PPP2R1B: variants seen among roughly 807,000 people sequenced by gnomAD.
PPP2R1B encodes the protein protein phosphatase 2 scaffold subunit Abeta, also known as serine/threonine-protein phosphatase 2A 65 kDa regulatory subunit A beta isoform.
PPP2R1B carries 58 observed loss-of-function variants against 72.7 expected under a neutral mutation model. The ratio of observed to expected loss-of-function variants is 0.80; its 90% CI spans 0.65 to 0.99. The LOEUF (loss-of-function observed/expected upper bound fraction) is 0.99, where lower values mean the gene tolerates loss of function less well. Among genes scored for constraint, PPP2R1B ranks in the 50% least tolerant of loss-of-function variants. The probability of loss-of-function intolerance (pLI) is 0.00; values close to 1 mark genes in which losing one functional copy is unlikely to be tolerated. For missense variants in PPP2R1B, 695 were observed against 733.6 expected (o/e 0.95, Z 0.61); for synonymous variants, 256 against 264.6 (o/e 0.97, Z 0.32).
intron 5 of PPP2R1B, among the ~76,000 whole-genome samples, chr11:111,758,514 C>T (rs890396085): frequency 5.3e-5 from 8 of 151,966 alleles, no homozygotes; most frequent in African/African-American, 1.5e-4. Context: ...TGCTTGAACC[C>T]GGGAGGCAGA....
the PPP2R1B span, chr11:111,721,173 G>C: frequency 3.4e-5 from 45 of 1,330,462 alleles, no homozygotes; most frequent in Middle Eastern, 2.7e-4. Context: ...GAGCAAACAG[G>C]CTGTTTGGGA....
the PPP2R1B span, among the ~76,000 whole-genome samples, chr11:111,706,323 A>C: frequency 2.6e-4 from 39 of 152,304 alleles, no homozygotes; most frequent in African/African-American, 9.4e-4. Flanking sequence ...GAGCCTGAGA[A>C]GATAGGGGTG....
intron 15 of PPP2R1B, among the ~76,000 whole-genome samples, chr11:111,731,812 T>C (rs566902300): frequency 3.9e-5 from 6 of 152,344 alleles, no homozygotes; most frequent in African/African-American, 1.4e-4. Flanking sequence ...AAAATTTCAG[T>C]ATTGCTGAGT....
At chr11:111,721,155 C>T in the PPP2R1B span, 7 of 1,437,632 alleles carry the variant, frequency 4.9e-6, no homozygotes, top group South Asian at 1.4e-5. Flanking sequence ...GGATTTCCTC[C>T]AGTCCTGGAG....
chr11:111,719,517 T>G, the PPP2R1B span, among the ~76,000 whole-genome samples: 1 of 152,100 alleles, frequency 6.6e-6, no homozygotes, highest in Non-Finnish European at 1.5e-5. Context: ...AAGTTGTTTA[T>G]TGTAATAATG....
chr11:111,763,300 T>G (rs1211280195), intron 3 of PPP2R1B, among the ~76,000 whole-genome samples: 7 of 152,290 alleles, frequency 4.6e-5, no homozygotes, highest in African/African-American at 1.7e-4. Context: ...CAAGGCCTTT[T>G]GCAGTCTGTT....
chr11:111,723,667 CCT>C (rs762115806), downstream of PPP2R1B: 3 of 1,614,172 alleles, frequency 1.9e-6, no homozygotes, highest in Non-Finnish European at 2.5e-6. Context: ...TGACCCAGCC[CCT>C]GAGCCCCGTC....
At chr11:111,741,948 T>C (rs976242970) in intron 14 of PPP2R1B, 105 bp downstream of exon 14, 1 of 1,021,398 alleles carries the variant, frequency 9.8e-7, no homozygotes, top group African/African-American at 1.6e-5. Context: ...CCTCCCTGTT[T>C]CCCATAATAC....
chr11:111,751,604 T>C (rs1944909524), intron 10 of PPP2R1B, among the ~76,000 whole-genome samples: 1 of 152,188 alleles, frequency 6.6e-6, no homozygotes, highest in Non-Finnish European at 1.5e-5. Flanking sequence ...TATTCCAAAA[T>C]CCACTTCTGG....
chr11:111,718,231 T>C, the PPP2R1B span, among the ~76,000 whole-genome samples: 1 of 152,254 alleles, frequency 6.6e-6, no homozygotes, highest in Non-Finnish European at 1.5e-5. Context: ...CATTCTTGGC[T>C]AGTTTTAGAA....
intron 11 of PPP2R1B, among the ~76,000 whole-genome samples, chr11:111,745,964 G>T (rs1944690272): frequency 6.6e-6 from 1 of 152,196 alleles, no homozygotes; most frequent in Non-Finnish European, 1.5e-5. Flanking sequence ...TTGGTTCATG[G>T]AACTCTTGCA....
chr11:111,688,224 A>G, the PPP2R1B span: 2 of 1,556,690 alleles, frequency 1.3e-6, no homozygotes, highest in South Asian at 1.1e-5. The surrounding 1 kb of genome is among the most constrained non-coding windows in gnomAD (Gnocchi z 4.2). Flanking sequence ...CAGTGTGTGG[A>G]AACAGACCTG....
the PPP2R1B span, among the ~76,000 whole-genome samples, chr11:111,707,879 T>A: frequency 6.6e-6 from 1 of 152,194 alleles, no homozygotes; most frequent in Non-Finnish European, 1.5e-5. Context: ...CAAGTCAGCG[T>A]CTCTGAGTTC....
chr11:111,741,924 C>T, intron 14 of PPP2R1B, 129 bp downstream of exon 14: 1 of 896,228 alleles, frequency 1.1e-6, no homozygotes, highest in Non-Finnish European at 1.9e-6. Context: ...ACCAGCATTC[C>T]AGGAACTTAC....
At chr11:111,710,422 T>A in the PPP2R1B span, among the ~76,000 whole-genome samples, 1 of 152,256 alleles carries the variant, frequency 6.6e-6, no homozygotes, top group Non-Finnish European at 1.5e-5. Flanking sequence ...GCCAGTGATA[T>A]TAATATTGGA....
At chr11:111,752,919 C>T (rs1325413601) in intron 9 of PPP2R1B, among the ~76,000 whole-genome samples, 2 of 152,224 alleles carry the variant, frequency 1.3e-5, no homozygotes, top group African/African-American at 2.4e-5. Context: ...GCAGAGATTG[C>T]GCCACTGCAC....
At chr11:111,715,100 T>C in the PPP2R1B span, among the ~76,000 whole-genome samples, 1 of 152,172 alleles carries the variant, frequency 6.6e-6, no homozygotes, top group Non-Finnish European at 1.5e-5. Flanking sequence ...GCAAAAGATA[T>C]AGACAGGAGC....
chr11:111,743,525 C>T lies in PPP2R1B; in HGVS notation c.1405G>A (p.Ala469Thr), dbSNP rs144458207. 536 of 1,611,852 alleles carry T rather than the reference C, an allele frequency of 3.3e-4. 2 individuals carry two copies. The highest frequency in any genetic ancestry group is 1.6e-3 in the Admixed American group (93 of 59,276). Residue 469 changes from alanine (A) to threonine (T), a missense_variant, in exon 12 of 15, where the codon GCC (alanine) becomes ACC (threonine). Ala to Thr is a moderately conservative substitution (Grantham distance 58). Coordinates refer to ENST00000527614, the MANE Select transcript of PPP2R1B (RefSeq NM_002716.5). ...TTGTTGGTGGCAGCTTCTCGGATGG[C>T]GTATACTGCAGAAGAGGTCAAAAAC... ...CMAWLVDHVY[A>T]IREAATNNLM...
intron 8 of PPP2R1B, 113 bp downstream of exon 8, chr11:111,754,386 C>A: frequency 7.3e-7 from 1 of 1,376,682 alleles, no homozygotes; most frequent in East Asian, 2.7e-5. Context: ...CCCATTCATT[C>A]CCTGTCAACC....
Sources: allele counts gnomAD v4.1 joint callset (sites outside exome capture counted in the v4.1 genomes callset), GRCh38; gene constraint gnomAD v4.1.1; non-coding constraint Gnocchi (gnomAD v3.1); transcripts MANE v1.5; gene names NCBI Gene and HGNC (gene_info 2026-07-23, HGNC 2026-07-21).